GIMAP8: variants seen among roughly 807,000 people sequenced by gnomAD.
GIMAP8 encodes the protein GTPase IMAP family member 8.
GIMAP8 carries 29 observed loss-of-function variants against 35.6 expected under a neutral mutation model. The observed-to-expected ratio is 0.81, with a 90% CI of 0.61 to 1.11. The LOEUF (loss-of-function observed/expected upper bound fraction) is 1.11. Among genes scored for constraint, GIMAP8 ranks in the 50% most tolerant of loss-of-function variants. The pLI is 0.00. For synonymous variants in GIMAP8, 335 were observed against 308.7 expected, an observed-to-expected ratio of 1.09 and a Z score of -0.89; for missense variants, 811 against 805.0, an observed-to-expected ratio of 1.01 and a Z score of -0.09.
At chr7:150,461,789 A>G (rs1219213059) in intron 1 of GIMAP8, among the ~76,000 whole-genome samples, 2 of 152,048 alleles carry the variant, frequency 1.3e-5, no homozygotes, top group Non-Finnish European at 2.9e-5. Context: ...TTTACATTTA[A>G]GGTTGTTACT....
chr7:150,477,829 G>A lies in GIMAP8; in HGVS notation c.*49G>A, dbSNP rs1403278480. 1 of 1,494,130 alleles carries A rather than the reference G, an allele frequency of 6.7e-7. No homozygotes were observed. The highest frequency in any genetic ancestry group is 2.3e-5 in the East Asian group (1 of 43,804). 92.6% of individuals were successfully genotyped at this position (1,494,130 alleles called of 1,614,324 possible). A position where few individuals can be genotyped will look rare whatever the true frequency, so the allele number is the denominator to read the frequency against. On this transcript the variant is annotated 3_prime_UTR_variant, in exon 5 of 5. Coordinates refer to ENST00000307271, the MANE Select transcript of GIMAP8 (RefSeq NM_175571.4). ...TTCAATTAGAGACACCCTCAGGTTG[G>A]GGGGAGGGGCGGGGCATGGTACAAC...
chr7:150,478,613 C>T lies in GIMAP8; in HGVS notation c.*833C>T, dbSNP rs1467499241. On this transcript the variant is annotated 3_prime_UTR_variant, in exon 5 of 5. Coordinates refer to ENST00000307271, the MANE Select transcript of GIMAP8 (RefSeq NM_175571.4). ...CTCCATTGCGTTTCTCTTTCTCCTT[C>T]TCTTTCCCTTGAGGTTAGGAAACAG... The T allele has an allele frequency of 6.6e-6, 1 of 152,196 alleles. No homozygotes were observed. Among genetic ancestry groups the T allele is most frequent in the African/African-American group, 2.4e-5 (1 of 41,438 alleles). The allele number at this position is 152,196 out of a possible 1,614,324, so 9.4% of individuals were successfully genotyped here.
At position 150,467,241 on chromosome 7, in the gene GIMAP8, G is replaced by A. The variant is rs780846275; in HGVS notation, c.543G>A (p.Gln181=). The change falls in exon 2 of 5, where the codon CAG becomes CAA. Residue 181 remains glutamine (Q), a synonymous_variant. Transcript: ENST00000307271. ...ATAGTAAGGATGAGCAGATCACCCA[G>A]GTGTTGGAGCTCCTTCGCAAGGTTG... ...KTNSKDEQIT[Q]VLELLRKVES... is the part of the protein sequence containing the mutation. 3 of 1,614,232 alleles carry A rather than the reference G, an allele frequency of 1.9e-6. No homozygotes were observed. Among genetic ancestry groups the A allele is most frequent in the South Asian group, 2.2e-5 (2 of 91,090 alleles).
At chr7:150,468,152 C>T (rs1227143537) in intron 2 of GIMAP8, among the ~76,000 whole-genome samples, 2 of 152,174 alleles carry the variant, frequency 1.3e-5, no homozygotes, top group Non-Finnish European at 2.9e-5. Context: ...CTCCATCCCA[C>T]TCCCACCACC....
chr7:150,475,793 A>G (rs1057493217), intron 4 of GIMAP8, among the ~76,000 whole-genome samples: 1 of 152,194 alleles, frequency 6.6e-6, no homozygotes, highest in African/African-American at 2.4e-5. Flanking sequence ...GGTTTTAGAG[A>G]ATGGGTAGGG....
In GIMAP8 at chr7:150,470,867, G is replaced by A. The variant is rs757343191; in HGVS notation, c.675G>A (p.Lys225=). 2 of 1,584,412 alleles carry A rather than the reference G, an allele frequency of 1.3e-6. No homozygotes were observed. Among genetic ancestry groups the A allele is most frequent in the South Asian group, 1.1e-5 (1 of 90,450 alleles). Residue 225 remains lysine, a synonymous_variant, in exon 3 of 5, where the codon AAG becomes AAA. Coordinates refer to ENST00000307271, the MANE Select transcript of GIMAP8 (RefSeq NM_175571.4). ...VNEAASQEGD[K]PQGPRERQLQ... The stretch of plus-strand genomic sequence containing the variant: ...AAGCTGCATCTCAAGAGGGAGACAA[G>A]CCACAGGGTAAGTTGATCTTTAAGA...
chr7:150,474,026 C>A lies in GIMAP8; in HGVS notation c.697C>A (p.Gln233Lys). 1 of 1,612,624 alleles carries A rather than the reference C, an allele frequency of 6.2e-7. No individual in the cohort carries two copies. The highest frequency in any genetic ancestry group is 1.1e-5 in the South Asian group (1 of 90,898). The part of the protein sequence containing the change: ...GDKPQGPRER[Q>K]LQSTGPEQNP... ...TTGTCCCACAGGCCCAAGGGAAAGG[C>A]AGCTGCAGTCCACAGGACCCGAGCA... Residue 233 changes from glutamine (Q) to lysine (K), a missense_variant, in exon 4 of 5, where the codon CAG (glutamine) becomes AAG (lysine). Gln to Lys is a moderately conservative substitution (Grantham distance 53). Coordinates refer to ENST00000307271, the MANE Select transcript of GIMAP8 (RefSeq NM_175571.4).
At chr7:150,469,967 G>C (rs758974179) in intron 2 of GIMAP8, among the ~76,000 whole-genome samples, 2 of 152,206 alleles carry the variant, frequency 1.3e-5, no homozygotes, top group Non-Finnish European at 2.9e-5. Flanking sequence ...ATATGTTCAT[G>C]TATGCTTGTA....
intron 2 of GIMAP8, among the ~76,000 whole-genome samples, chr7:150,468,640 A>G (rs1262216349): frequency 6.6e-6 from 1 of 152,252 alleles, no homozygotes; most frequent in African/African-American, 2.4e-5. Flanking sequence ...AAGTCTCCAT[A>G]TGTTCATGTA....
chr7:150,462,059 A>C (rs2116596317), intron 1 of GIMAP8, among the ~76,000 whole-genome samples: 1 of 152,324 alleles, frequency 6.6e-6, no homozygotes, highest in East Asian at 1.9e-4. Flanking sequence ...GGATCTCACA[A>C]AGTACATTCT....
chr7:150,463,154 T>C (rs1801875887), intron 1 of GIMAP8, among the ~76,000 whole-genome samples: 2 of 152,100 alleles, frequency 1.3e-5, no homozygotes, highest in Non-Finnish European at 2.9e-5. Flanking sequence ...ATTTTGTTCA[T>C]GGAATTATTC....
Position 150,477,569 on chromosome 7 carries a change from G to T in GIMAP8, c.1787G>T (p.Arg596Leu), listed in dbSNP as rs139733638. ...CGGCGCATTTTTAAAAAGTGTGGGCGGCGAGTTTGTGCTTTTAACAACAAA... is the reference window on the plus strand; with the variant it reads ...CGGCGCATTTTTAAAAAGTGTGGGCTGCGAGTTTGTGCTTTTAACAACAAA... Reference protein sequence around the residue: ...ALRRIFKKCGRRVCAFNNKET... With the variant: ...ALRRIFKKCGLRVCAFNNKET... The change falls in exon 5 of 5, where the codon CGG becomes CTG. Residue 596 changes from arginine to leucine, a missense_variant. Transcript: ENST00000307271. The T allele has an allele frequency of 1.3e-4, 206 of 1,614,004 alleles. No homozygotes were observed. In the East Asian group the frequency reaches 3.7e-3, roughly 29 times the overall value.
chr7:150,477,670 T>C lies in GIMAP8; in HGVS notation c.1888T>C (p.Trp630Arg), dbSNP rs374977271. Residue 630 changes from tryptophan (W) to arginine (R), a missense_variant, in exon 5 of 5, where the codon TGG (tryptophan) becomes CGG (arginine). Coordinates refer to ENST00000307271, the MANE Select transcript of GIMAP8 (RefSeq NM_175571.4). ...KVNDLRKESG[W>R]SGYPHTQENV... ...CAATGATCTGAGAAAAGAAAGTGGGTGGTCCGGGTATCCCCATACACAGGA... is the reference window on the plus strand; with the variant it reads ...CAATGATCTGAGAAAAGAAAGTGGGCGGTCCGGGTATCCCCATACACAGGA... The C allele has an allele frequency of 1.1e-5, 17 of 1,614,176 alleles. No individual in the cohort carries two copies. In the African/African-American group the frequency reaches 2.1e-4, roughly 20 times the overall value.
intron 1 of GIMAP8, among the ~76,000 whole-genome samples, chr7:150,453,156 T>C (rs998702237): frequency 6.6e-6 from 1 of 152,004 alleles, no homozygotes; most frequent in Non-Finnish European, 1.5e-5. Context: ...TCAGATAGAA[T>C]CAATGTTATG....
rs1329673123 is a variant in GIMAP8 at position 150,472,182 on chromosome 7, G to A, written c.682+1308G>A. On this transcript the variant is annotated intron_variant, in intron 3 of 4. Coordinates refer to ENST00000307271, the MANE Select transcript of GIMAP8 (RefSeq NM_175571.4). The surrounding 1 kb of genome is among the most constrained non-coding windows in gnomAD (Gnocchi z 4.1). ...AGTCACAGGGCTGTCAGAAACAGGG[G>A]GCAGGGAAGGACTTTTTATAGGATG... 6.6e-6 allele frequency among the ~76,000 whole-genome samples: 1 copy of A among 152,168 alleles called. No homozygotes were observed. Among genetic ancestry groups the A allele is most frequent in the Non-Finnish European group, 1.5e-5 (1 of 68,030 alleles).
Position 150,476,955 on chromosome 7 carries a change from T to C in GIMAP8, c.1310-137T>C. Reference sequence around the variant, plus strand: ...TTCCCGTGTTTGGAGATCCCCCTGCTTGGGTGAGAAGGAGGTCTTGATGCT... The same window carrying C: ...TTCCCGTGTTTGGAGATCCCCCTGCCTGGGTGAGAAGGAGGTCTTGATGCT... On this transcript the variant is annotated intron_variant, in intron 4 of 4. Coordinates refer to ENST00000307271, the MANE Select transcript of GIMAP8 (RefSeq NM_175571.4). 13 of 658,508 alleles carry C rather than the reference T, an allele frequency of 2.0e-5. No homozygotes were observed. In the South Asian group the frequency reaches 2.5e-4, roughly 13 times the overall value. The allele number at this position is 658,508 out of a possible 1,614,324, so 40.8% of individuals were successfully genotyped here. A position where few individuals can be genotyped will look rare whatever the true frequency, so the allele number is the denominator to read the frequency against.
At chr7:150,452,496 C>T (rs1444007893) in intron 1 of GIMAP8, among the ~76,000 whole-genome samples, 1 of 151,372 alleles carries the variant, frequency 6.6e-6, no homozygotes. Context: ...CTTCAGCTTG[C>T]TGTTTTCTCA....
In GIMAP8 at chr7:150,477,147, G is replaced by C; in HGVS notation, c.1365G>C (p.Gly455=). Residue 455 remains glycine (G), a synonymous_variant, in exon 5 of 5, where the codon GGG becomes GGC. Coordinates refer to ENST00000307271, the MANE Select transcript of GIMAP8 (RefSeq NM_175571.4). ...GRSGTGKSAT[G]NSILGSLVFT... is the part of the protein sequence containing the mutation. ...GCGGGACTGGGAAGAGTGCGACCGG[G>C]AACTCTATCCTGGGGAGCCTCGTCT... The C allele has an allele frequency of 2.5e-6, 4 of 1,613,744 alleles. No homozygotes were observed. Among genetic ancestry groups the C allele is most frequent in the Non-Finnish European group, 3.4e-6 (4 of 1,179,694 alleles).
rs764512612 is a variant in GIMAP8 at position 150,474,004 on chromosome 7, TCCCACAGG to T, written c.683-3_687del. 1.2e-6 allele frequency: 2 copies of T among 1,606,070 alleles called. No homozygotes were observed. The highest frequency in any genetic ancestry group is 1.7e-6 in the Non-Finnish European group (2 of 1,176,396). ...AAGAGACTCTGAACCTGTCCATTTG[TCCCACAGG>T]CCCAAGGGAAAGGCAGCTGCAGTCC... On this transcript the variant is annotated splice_acceptor_variant and splice_polypyrimidine_tract_variant and coding_sequence_variant and intron_variant, in exon 4 of 5. Transcript: ENST00000307271. LOFTEE classifies it high-confidence loss of function.
Sources: allele counts gnomAD v4.1 joint callset (sites outside exome capture counted in the v4.1 genomes callset), GRCh38; gene constraint gnomAD v4.1.1; non-coding constraint Gnocchi (gnomAD v3.1); transcripts MANE v1.5; gene names NCBI Gene and HGNC (gene_info 2026-07-23, HGNC 2026-07-21).